Variants in KIF9 observed in about 807,000 individuals in gnomAD.
KIF9 encodes the protein kinesin-like protein KIF9.
In KIF9, 68 loss-of-function variants were observed where a neutral mutation model predicts 94.8. The observed-to-expected ratio is 0.72, with a 90% CI of 0.59 to 0.88. The LOEUF is 0.88. KIF9 is among the 40% of genes least tolerant of loss of function. The pLI is 0.00. For synonymous variants in KIF9, 343 were observed against 362.1 expected, an observed-to-expected ratio of 0.95 and a Z score of 0.60; for missense variants, 882 against 982.5, an observed-to-expected ratio of 0.90 and a Z score of 1.37.
At chr3:47,268,817 T>C (rs919972743) in intron 5 of KIF9, among the ~76,000 whole-genome samples, 1 of 152,142 alleles carries the variant, frequency 6.6e-6, no homozygotes, top group East Asian at 1.9e-4. Flanking sequence ...ACTCCTGAGC[T>C]CAAGCAATCC....
At chr3:47,254,885 G>A (rs1576008980) in intron 10 of KIF9, among the ~76,000 whole-genome samples, 1 of 152,154 alleles carries the variant, frequency 6.6e-6, no homozygotes, top group East Asian at 1.9e-4. Context: ...TAGACCAGCA[G>A]AATCAGAAAC....
At chr3:47,257,363 C>T in intron 10 of KIF9, 120 bp downstream of exon 10, 1 of 868,224 alleles carries the variant, frequency 1.2e-6, no homozygotes, top group Non-Finnish European at 1.9e-6. Context: ...AAAGGGCTGA[C>T]CCAGGGCTGC....
intron 5 of KIF9, 34 bp downstream of exon 5, chr3:47,271,203 G>T: frequency 6.9e-7 from 1 of 1,449,564 alleles, no homozygotes; most frequent in Non-Finnish European, 9.6e-7. Context: ...GGGAGGGAGA[G>T]AAGGAAAGGA....
chr3:47,244,447 C>A, intron 15 of KIF9: 1 of 226,862 alleles, frequency 4.4e-6, no homozygotes. Flanking sequence ...AGGGCATGGG[C>A]TCTGGAGAGC....
chr3:47,243,078 G>C lies in KIF9; in HGVS notation c.1682C>G (p.Ser561Cys), dbSNP rs749321075. The change falls in exon 16 of 21, where the codon TCC (serine) becomes TGC (cysteine). Residue 561 changes from serine to cysteine, a missense_variant. By Grantham distance (112) the Ser-to-Cys change is moderately radical. Transcript: ENST00000684063. ...TSSIEPLPSD[S>C]PKEELRPIRP... is the part of the protein sequence containing the mutation. Reference sequence around the variant, plus strand: ...AATTGGGCGTAATTCCTCCTTCGGGGAGTCTGAGGGAAGGGGCTCAATGCT... The same window carrying C: ...AATTGGGCGTAATTCCTCCTTCGGGCAGTCTGAGGGAAGGGGCTCAATGCT... 1 of 1,611,392 alleles carries C rather than the reference G, an allele frequency of 6.2e-7. No individual in the cohort carries two copies. The highest frequency in any genetic ancestry group is 1.1e-5 in the South Asian group (1 of 90,968).
intron 3 of KIF9, among the ~76,000 whole-genome samples, chr3:47,274,103 CA>C (rs1701816033): frequency 6.6e-6 from 1 of 152,196 alleles, no homozygotes; most frequent in Admixed American, 6.5e-5. Flanking sequence ...GAGGGGCTTT[CA>C]AAATCTCCAG....
chr3:47,235,650 G>A (rs778326150), intron 19 of KIF9, 33 bp from the exon 20 acceptor site: 2 of 1,524,808 alleles, frequency 1.3e-6, no homozygotes, highest in Non-Finnish European at 1.8e-6. Context: ...GCATGGTATT[G>A]TCAGGATATA....
chr3:47,236,268 G>T, intron 18 of KIF9, 119 bp from the exon 19 acceptor site: 2 of 992,756 alleles, frequency 2.0e-6, no homozygotes, highest in Non-Finnish European at 3.1e-6. Context: ...GTCTTACCCT[G>T]TCCCCATCTC....
chr3:47,236,662 C>T (rs1186002145), intron 17 of KIF9, 43 bp from the exon 18 acceptor site: 2 of 1,583,616 alleles, frequency 1.3e-6, no homozygotes, highest in Admixed American at 3.4e-5. Flanking sequence ...GAGGTGTCCA[C>T]CTGAAATTGG....
At chr3:47,239,429 G>T (rs1036510605) in intron 17 of KIF9, 1 of 315,412 alleles carries the variant, frequency 3.2e-6, no homozygotes, top group Non-Finnish European at 4.8e-6. Context: ...CTGGATAGGG[G>T]TATGTCTATA....
Position 47,243,140 on chromosome 3 carries a change from A to C in KIF9, c.1620T>G (p.Asp540Glu), listed in dbSNP as rs779881446. ...GGTCCCGCGAAAGCATGTCTTTGAC[A>C]TCCCCATCTTTGGAGGATGGGACCA... The part of the protein sequence containing the change: ...TQLVPSSKDG[D>E]VKDMLSRDRE... Residue 540 changes from aspartate (D) to glutamate (E), a missense_variant, in exon 16 of 21, where the codon GAT (aspartate) becomes GAG (glutamate). Asp to Glu is a conservative substitution (Grantham distance 45, BLOSUM62 2). Transcript: ENST00000684063. The C allele has an allele frequency of 1.2e-6, 2 of 1,613,942 alleles. No individual in the cohort carries two copies. The highest frequency in any genetic ancestry group is 1.7e-6 in the Non-Finnish European group (2 of 1,179,944).
intron 20 of KIF9, among the ~76,000 whole-genome samples, chr3:47,235,298 C>T (rs564263140): frequency 6.6e-6 from 1 of 152,314 alleles, no homozygotes; most frequent in South Asian, 2.1e-4. Flanking sequence ...TCAGTACTCA[C>T]CAGCCATGTC....
In KIF9 at chr3:47,271,500, C is replaced by T. The variant is rs574351764; in HGVS notation, c.367-39G>A. On this transcript the variant is annotated intron_variant, in intron 4 of 20. Transcript: ENST00000684063. Reference sequence around the variant, plus strand: ...TGTACAGCGGTCACCAAGAGCAGAACCCCAACAGCCAACTAGCATAAGGGG... The same window carrying T: ...TGTACAGCGGTCACCAAGAGCAGAATCCCAACAGCCAACTAGCATAAGGGG... 2.0e-6 allele frequency: 3 copies of T among 1,490,978 alleles called. No individual in the cohort carries two copies. The South Asian group carries it at 3.4e-5, about 17-fold the overall frequency. 92.4% of individuals were successfully genotyped at this position (1,490,978 alleles called of 1,614,324 possible). A position where few individuals can be genotyped will look rare whatever the true frequency, so the allele number is the denominator to read the frequency against.
chr3:47,257,394 C>A (rs543557386), intron 10 of KIF9, 89 bp downstream of exon 10: 16 of 1,142,760 alleles, frequency 1.4e-5, no homozygotes, highest in Non-Finnish European at 1.4e-5. Flanking sequence ...TTGGTTGAGG[C>A]AGGAAGGGAA....
chr3:47,267,347 C>A (rs576384116), intron 5 of KIF9, 84 bp from the exon 6 acceptor site: 2 of 949,188 alleles, frequency 2.1e-6, no homozygotes, highest in African/African-American at 1.6e-5. Flanking sequence ...ATACCAATAG[C>A]TACACAAGTG....
chr3:47,273,741 G>T, intron 3 of KIF9, 83 bp from the exon 4 acceptor site: 2 of 1,218,626 alleles, frequency 1.6e-6, no homozygotes, highest in Non-Finnish European at 1.2e-6. Flanking sequence ...CCTGGTGCCA[G>T]CCAGGGCCCT....
chr3:47,278,934 T>C (rs945476417), intron 1 of KIF9, among the ~76,000 whole-genome samples: 1 of 151,850 alleles, frequency 6.6e-6, no homozygotes, highest in Non-Finnish European at 1.5e-5. Context: ...ATCGCGCCAT[T>C]GCACTTCAGC....
At chr3:47,246,832 A>AG (rs1396273136) in intron 12 of KIF9, among the ~76,000 whole-genome samples, 1 of 152,178 alleles carries the variant, frequency 6.6e-6, no homozygotes. Flanking sequence ...AGTAACAGCC[A>AG]GGGGGGTCTG....
chr3:47,233,866 G>A (rs542012621), intron 20 of KIF9, among the ~76,000 whole-genome samples: 4 of 152,220 alleles, frequency 2.6e-5, no homozygotes, highest in Admixed American at 6.5e-5. Context: ...AAGGCGGGTC[G>A]ATCACCTGAG....
Sources: gnomAD v4.1 joint callset for allele counts (sites outside exome capture counted in the v4.1 genomes callset) on GRCh38, gnomAD v4.1.1 for gene constraint, MANE v1.5 for transcripts, NCBI Gene and HGNC (gene_info 2026-07-23, HGNC 2026-07-21) for gene names.